The following SCAMP1 variants were observed in gnomAD, a reference collection of about 807,000 sequenced individuals.
SCAMP1 encodes secretory carrier membrane protein 1, also known as secretory carrier-associated membrane protein 1.
Under a neutral mutation model 41.8 loss-of-function variants are expected in SCAMP1, and 15 were observed. The ratio of observed to expected loss-of-function variants is 0.36; its 90% CI spans 0.24 to 0.55. The LOEUF (loss-of-function observed/expected upper bound fraction) is 0.55, where lower values mean the gene tolerates loss of function less well. Among genes scored for constraint, SCAMP1 ranks in the 20% least tolerant of loss-of-function variants. The pLI is 0.86. For synonymous variants in SCAMP1, 135 were observed against 136.8 expected, an observed-to-expected ratio of 0.99 and a Z score of 0.09; for missense variants, 341 against 412.6, an observed-to-expected ratio of 0.83 and a Z score of 1.50.
At chr5:78,470,334 T>C (rs1753856754) in intron 8 of SCAMP1, among the ~76,000 whole-genome samples, 1 of 152,156 alleles carries the variant, frequency 6.6e-6, no homozygotes, top group African/African-American at 2.4e-5. Flanking sequence ...AATAATTTTA[T>C]TCCTCCCTAT....
intron 7 of SCAMP1, among the ~76,000 whole-genome samples, chr5:78,451,577 G>A (rs1753227342): frequency 2.0e-5 from 3 of 152,118 alleles, no homozygotes. Flanking sequence ...TACAACCTTT[G>A]GCTTTTTTCC....
chr5:78,392,561 T>C (rs1751547471), intron 2 of SCAMP1, among the ~76,000 whole-genome samples: 1 of 152,194 alleles, frequency 6.6e-6, no homozygotes, highest in Non-Finnish European at 1.5e-5. Flanking sequence ...ATGTTGAGAC[T>C]TTATAGTTAC....
chr5:78,390,416 A>G (rs954070107), intron 2 of SCAMP1, among the ~76,000 whole-genome samples: 5 of 152,210 alleles, frequency 3.3e-5, no homozygotes, highest in Non-Finnish European at 5.9e-5. Flanking sequence ...GAAATGGCCA[A>G]TAAGCTGACC....
chr5:78,413,396 G>A (rs959015634), intron 2 of SCAMP1, among the ~76,000 whole-genome samples: 1 of 145,974 alleles, frequency 6.9e-6, no homozygotes, highest in Non-Finnish European at 1.5e-5. Flanking sequence ...TCTTCAAAAT[G>A]GTTTGACCTG....
In SCAMP1 at chr5:78,436,490, C is replaced by T. The variant is rs189425698; in HGVS notation, c.633-13443C>T. On this transcript the variant is annotated intron_variant, in intron 6 of 8. Transcript: ENST00000621999. ...ATTTATTAAATAGGGAATCCTTTCC[C>T]CATTTCTTGTTTTTGTCAGGTTTGT... 5.4e-3 allele frequency among the ~76,000 whole-genome samples: 830 copies of T among 152,304 alleles called. 4 individuals carry two copies. Among genetic ancestry groups the T allele is most frequent in the African/African-American group, 0.019 (784 of 41,558 alleles).
chr5:78,417,301 A>C (rs778381067), intron 4 of SCAMP1, among the ~76,000 whole-genome samples: 2 of 152,218 alleles, frequency 1.3e-5, no homozygotes, highest in Non-Finnish European at 2.9e-5. Context: ...CAATATACAG[A>C]ACTATTTCTT....
intron 6 of SCAMP1, among the ~76,000 whole-genome samples, chr5:78,439,531 T>C (rs1328579744): frequency 6.6e-6 from 1 of 152,194 alleles, no homozygotes; most frequent in Non-Finnish European, 1.5e-5. Context: ...TTAAGAATAT[T>C]GAATATTGGC....
intron 6 of SCAMP1, among the ~76,000 whole-genome samples, chr5:78,441,653 A>G (rs1752927693): frequency 6.6e-6 from 1 of 152,170 alleles, no homozygotes; most frequent in South Asian, 2.1e-4. Context: ...GTCTCTACTA[A>G]AATTACAAAC....
intron 7 of SCAMP1, among the ~76,000 whole-genome samples, chr5:78,451,438 A>G (rs1753223014): frequency 6.6e-6 from 1 of 152,174 alleles, no homozygotes; most frequent in African/African-American, 2.4e-5. Flanking sequence ...AGGATTCCTC[A>G]TGTTGCTTTT....
At chr5:78,440,221 A>G (rs993389007) in intron 6 of SCAMP1, among the ~76,000 whole-genome samples, 5 of 152,120 alleles carry the variant, frequency 3.3e-5, no homozygotes, top group Non-Finnish European at 5.9e-5. Flanking sequence ...CGTCAAAGTC[A>G]TTCTCCGTTC....
intron 1 of SCAMP1, among the ~76,000 whole-genome samples, chr5:78,378,276 A>G (rs1257874742): frequency 2.6e-5 from 4 of 152,358 alleles, no homozygotes; most frequent in Middle Eastern, 3.4e-3. Context: ...TTAGACTACT[A>G]TTTAGCTTAA....
At chr5:78,406,481 G>T (rs1255377940) in intron 2 of SCAMP1, among the ~76,000 whole-genome samples, 1 of 152,174 alleles carries the variant, frequency 6.6e-6, no homozygotes, top group African/African-American at 2.4e-5. Flanking sequence ...ATTTGCTTAT[G>T]CATGACAAAG....
chr5:78,443,912 T>C (rs1752991370), intron 6 of SCAMP1, among the ~76,000 whole-genome samples: 1 of 152,052 alleles, frequency 6.6e-6, no homozygotes, highest in Non-Finnish European at 1.5e-5. Context: ...CCACCTTGGC[T>C]CCTAAAGTTC....
intron 1 of SCAMP1, among the ~76,000 whole-genome samples, chr5:78,381,027 C>A (rs895470707): frequency 6.6e-6 from 1 of 151,666 alleles, no homozygotes; most frequent in African/African-American, 2.4e-5. Context: ...GATCGTGCTA[C>A]GGCACTTCAG....
At chr5:78,370,329 G>T (rs1271595383) in intron 1 of SCAMP1, among the ~76,000 whole-genome samples, 1 of 152,130 alleles carries the variant, frequency 6.6e-6, no homozygotes, top group Non-Finnish European at 1.5e-5. Flanking sequence ...AGTGGGTGTG[G>T]GATATAAAAG....
intron 3 of SCAMP1, 87 bp from the exon 4 acceptor site, chr5:78,416,454 A>T: frequency 1.1e-6 from 1 of 923,092 alleles, no homozygotes; most frequent in Non-Finnish European, 1.6e-6. Flanking sequence ...GGTTTCTCTC[A>T]TAGTAGAGAA....
At chr5:78,419,089 G>A (rs1447672860) in intron 5 of SCAMP1, among the ~76,000 whole-genome samples, 186 bp downstream of exon 5, 1 of 152,158 alleles carries the variant, frequency 6.6e-6, no homozygotes, top group African/African-American at 2.4e-5. Context: ...ATGTGACAAT[G>A]TAAGTCCTTG....
intron 6 of SCAMP1, among the ~76,000 whole-genome samples, chr5:78,431,806 A>G (rs1020510871): frequency 1.3e-5 from 2 of 152,008 alleles, no homozygotes; most frequent in Non-Finnish European, 2.9e-5. Flanking sequence ...AACACACAGT[A>G]CATTACCTTT....
intron 4 of SCAMP1, among the ~76,000 whole-genome samples, chr5:78,418,104 T>C (rs555520149): frequency 6.6e-6 from 1 of 152,190 alleles, no homozygotes; most frequent in Non-Finnish European, 1.5e-5. Flanking sequence ...TTTTTCCCTT[T>C]ACAGTTTGAA....
Sources: gnomAD v4.1 joint callset for allele counts (sites outside exome capture counted in the v4.1 genomes callset) on GRCh38, gnomAD v4.1.1 for gene constraint, MANE v1.5 for transcripts, NCBI Gene and HGNC (gene_info 2026-07-23, HGNC 2026-07-21) for gene names.